Variants in ZEB1 observed in about 807,000 individuals in gnomAD.
ZEB1 encodes zinc finger E-box binding homeobox 1.
ZEB1 carries 21 observed loss-of-function variants against 84.9 expected under a neutral mutation model. That is an observed-to-expected ratio of 0.25 (90% CI 0.18 to 0.36). The LOEUF (loss-of-function observed/expected upper bound fraction) is 0.36, where lower values mean the gene tolerates loss of function less well. Ranked by LOEUF, ZEB1 falls within the 10% of genes least tolerant of loss-of-function variation. ZEB1 has a pLI of 1.00. For missense variants in ZEB1, 1,104 were observed against 1,330.2 expected, an observed-to-expected ratio of 0.83 and a Z score of 2.65; for synonymous variants, 420 against 471.1, an observed-to-expected ratio of 0.89 and a Z score of 1.41.
At chr10:31,501,792 C>A (rs944925809) in intron 3 of ZEB1, among the ~76,000 whole-genome samples, 3 of 152,148 alleles carry the variant, frequency 2.0e-5, no homozygotes, top group Admixed American at 6.5e-5. Context: ...ACGGTTATAA[C>A]AATATGCTTT....
chr10:31,321,385 AT>A, intron 1 of ZEB1: 1 of 1,577,974 alleles, frequency 6.3e-7, no homozygotes, highest in South Asian at 1.2e-5. Flanking sequence ...AACGAAAGGT[AT>A]TTTGGTATTC....
At chr10:31,357,348 T>C (rs1010703500) in intron 1 of ZEB1, among the ~76,000 whole-genome samples, 3 of 152,144 alleles carry the variant, frequency 2.0e-5, no homozygotes, top group African/African-American at 7.2e-5. Flanking sequence ...GAACTGTAGA[T>C]GAGAGTGTAG....
intron 1 of ZEB1, among the ~76,000 whole-genome samples, chr10:31,449,729 T>A (rs1265107666): frequency 6.6e-6 from 1 of 152,170 alleles, no homozygotes. Context: ...GTATATCTAG[T>A]TTATGTTCTC....
At chr10:31,473,015 A>G (rs1345344409) in intron 2 of ZEB1, among the ~76,000 whole-genome samples, 2 of 141,678 alleles carry the variant, frequency 1.4e-5, no homozygotes, top group East Asian at 2.0e-4. Context: ...ACAACCCTTC[A>G]TGCTAAAAAC....
At chr10:31,478,603 G>A (rs2064601189) in intron 2 of ZEB1, among the ~76,000 whole-genome samples, 1 of 151,876 alleles carries the variant, frequency 6.6e-6, no homozygotes, top group Non-Finnish European at 1.5e-5. Context: ...ATCAACCTAA[G>A]TGTATATCAG....
At chr10:31,484,988 G>C (rs756888175) in intron 2 of ZEB1, among the ~76,000 whole-genome samples, 38 of 151,948 alleles carry the variant, frequency 2.5e-4, no homozygotes, top group Non-Finnish European at 4.9e-4. Context: ...TTTGATGTTA[G>C]TGGTCTTTCC....
intron 1 of ZEB1, among the ~76,000 whole-genome samples, chr10:31,385,789 G>A (rs1467938467): frequency 6.6e-6 from 1 of 152,040 alleles, no homozygotes; most frequent in African/African-American, 2.4e-5. Context: ...GCCTCTCAAA[G>A]TGCTGGAATT....
chr10:31,471,715 T>A (rs1375705497), intron 2 of ZEB1, among the ~76,000 whole-genome samples: 3 of 145,780 alleles, frequency 2.1e-5, no homozygotes, highest in African/African-American at 8.0e-5. Context: ...GCAGACCTAA[T>A]AGACATCTAC....
chr10:31,515,621 G>A (rs916685330), intron 6 of ZEB1, among the ~76,000 whole-genome samples: 1 of 152,012 alleles, frequency 6.6e-6, no homozygotes, highest in Non-Finnish European at 1.5e-5. Flanking sequence ...TGATATTTAT[G>A]TTTTATTTTG....
At position 31,360,991 on chromosome 10, in the gene ZEB1, A is replaced by G. The variant is rs959863275; in HGVS notation, c.58+41699A>G. 8.1e-6 allele frequency: 13 copies of G among 1,606,684 alleles called. No homozygotes were observed. The African/African-American group carries it at 1.6e-4, about 20-fold the overall frequency. On this transcript the variant is annotated intron_variant, in intron 1 of 8. Transcript: ENST00000424869. ...CACGGAGCAGTGGGTTCTGGTGGAG[A>G]TGGTACAGGCGCTTTACAAGGCTCC...
chr10:31,410,111 C>G (rs1413078182), intron 1 of ZEB1, among the ~76,000 whole-genome samples: 1 of 152,064 alleles, frequency 6.6e-6, no homozygotes, highest in Non-Finnish European at 1.5e-5. Flanking sequence ...ATGCTTCTAG[C>G]TTTTGCCCAT....
Position 31,443,979 on chromosome 10 carries a change from A to G in ZEB1, c.59-17058A>G, listed in dbSNP as rs1260165347. The stretch of plus-strand genomic sequence containing the variant: ...TATTTCTAGTTCTAGATCCCTGAGG[A>G]ATCGCCACACTGTCTTCCACAATGG... On this transcript the variant is annotated intron_variant, in intron 1 of 8. Coordinates refer to ENST00000424869, the MANE Select transcript of ZEB1 (RefSeq NM_001174096.2). Among the ~76,000 whole-genome samples the G allele has an allele frequency of 4.7e-5, 7 of 149,864 alleles. No homozygotes were observed. The South Asian group carries it at 1.5e-3, about 32-fold the overall frequency.
rs34846414 is a variant in ZEB1, at chr10:31,521,396, A to C, written c.2064A>C (p.Pro688=). The C allele has an allele frequency of 3.6e-3, 5,756 of 1,614,050 alleles. 155 individuals are homozygous for C. In the African/African-American group the frequency reaches 0.063, roughly 18 times the overall value. Residue 688 remains proline, a synonymous_variant, in exon 7 of 9, where the codon CCA becomes CCC. Coordinates refer to ENST00000424869, the MANE Select transcript of ZEB1 (RefSeq NM_001174096.2). ...LQSPLKMTNS[P]VLPVGSTTNG... The stretch of plus-strand genomic sequence containing the variant: ...GTCCTTTGAAGATGACTAACTCCCC[A>C]GTTTTACCAGTGGGATCAACCACCA...
chr10:31,462,468 A>G lies in ZEB1; in HGVS notation c.259+1231A>G, dbSNP rs142409035. 1.4e-3 allele frequency among the ~76,000 whole-genome samples: 215 copies of G among 152,318 alleles called. 1 individual carries two copies. The highest frequency in any genetic ancestry group is 5.0e-3 in the African/African-American group (206 of 41,580). ...TATACATTATATGGCAGCATCAAGG[A>G]GGAGCATCCGAATTAGAGAAGGAAG... On this transcript the variant is annotated intron_variant, in intron 2 of 8. Coordinates refer to ENST00000424869, the MANE Select transcript of ZEB1 (RefSeq NM_001174096.2).
chr10:31,467,722 C>G (rs1301520094), intron 2 of ZEB1, among the ~76,000 whole-genome samples: 1 of 152,134 alleles, frequency 6.6e-6, no homozygotes. Context: ...TGATCTCAAG[C>G]AGGGGAGGAA....
chr10:31,413,704 A>G (rs969594213), intron 1 of ZEB1, among the ~76,000 whole-genome samples: 15 of 152,118 alleles, frequency 9.9e-5, no homozygotes, highest in Non-Finnish European at 1.9e-4. Flanking sequence ...GAAAAATATG[A>G]TCTCTAAATA....
Position 31,520,430 on chromosome 10 carries a change from C to T in ZEB1, c.1098C>T (p.Asn366=), listed in dbSNP as rs765573607. The change falls in exon 7 of 9, where the codon AAC becomes AAT. Residue 366 remains asparagine (N), a synonymous_variant. Transcript: ENST00000424869. This position sits in a 1 kb window ranked among gnomAD's most constrained non-coding sequence, Gnocchi z 5.1. ...CCATAGTGGTTGCTTCAGGAATCAA[C>T]TGTTCAACCCCTTTACAAAATGGGG... ...FKPIVVASGI[N]CSTPLQNGVF... is the part of the protein sequence containing the mutation. 1 of 1,614,032 alleles carries T rather than the reference C, an allele frequency of 6.2e-7. No individual in the cohort carries two copies. Among genetic ancestry groups the T allele is most frequent in the Non-Finnish European group, 8.5e-7 (1 of 1,179,972 alleles).
chr10:31,499,925 C>T (rs180979694), intron 3 of ZEB1, among the ~76,000 whole-genome samples: 163 of 151,830 alleles, frequency 1.1e-3, no homozygotes, highest in African/African-American at 3.9e-3. Flanking sequence ...ATATTTAGAC[C>T]TAATCAATGT....
chr10:31,366,880 G>A (rs1003228112), intron 1 of ZEB1, among the ~76,000 whole-genome samples: 4 of 152,114 alleles, frequency 2.6e-5, no homozygotes, highest in Non-Finnish European at 5.9e-5. Flanking sequence ...TTTTCCCAGT[G>A]CGATTCCAGG....
Sources: allele counts gnomAD v4.1 joint callset (sites outside exome capture counted in the v4.1 genomes callset), GRCh38; gene constraint gnomAD v4.1.1; non-coding constraint Gnocchi (gnomAD v3.1); transcripts MANE v1.5; gene names NCBI Gene and HGNC (gene_info 2026-07-23, HGNC 2026-07-21).